Variants in AKAP13 observed in about 807,000 individuals in gnomAD.
AKAP13 encodes A-kinase anchor protein 13.
A neutral mutation model predicts 264.5 loss-of-function variants in AKAP13; 80 were observed. That is an observed-to-expected ratio of 0.30 (90% CI 0.25 to 0.36). The LOEUF is 0.36. AKAP13 is among the 10% of genes least tolerant of loss of function. The pLI is 1.00. For missense variants in AKAP13, 3,712 were observed against 3,435.2 expected, an observed-to-expected ratio of 1.08 and a Z score of -2.01; for synonymous variants, 1,380 against 1,250.2, an observed-to-expected ratio of 1.10 and a Z score of -2.19.
In AKAP13 at chr15:85,693,100, C is replaced by T. The variant is rs141190028; in HGVS notation, c.5290-177C>T. The T allele has an allele frequency of 1.1e-4, 118 of 1,110,112 alleles. 1 individual carries two copies. In the East Asian group the frequency reaches 2.7e-3, roughly 26 times the overall value. 68.8% of individuals were successfully genotyped at this position (1,110,112 alleles called of 1,614,324 possible). A position where few individuals can be genotyped will look rare whatever the true frequency, so the allele number is the denominator to read the frequency against. ...CGTGTGAATTTTCTAATGTAGCTTG[C>T]GTGCCAACGCCTTAATTTAAAAAAA... On this transcript the variant is annotated intron_variant, in intron 16 of 36. Coordinates refer to ENST00000394518, the MANE Select transcript of AKAP13 (RefSeq NM_007200.5).
chr15:85,644,693 C>CAAAAAAAAAAA (rs1161365911), intron 9 of AKAP13, among the ~76,000 whole-genome samples: 59 of 103,798 alleles, frequency 5.7e-4, no homozygotes, highest in Admixed American at 7.7e-4. Flanking sequence ...ACTAAAAATA[C>CAAAAAAAAAAA]AAAAAAAAAA....
intron 1 of AKAP13, among the ~76,000 whole-genome samples, chr15:85,402,025 T>A (rs2071444174): frequency 6.6e-6 from 1 of 152,190 alleles, no homozygotes; most frequent in Non-Finnish European, 1.5e-5. Context: ...TTGGTTTAGT[T>A]TGCTGCCAAC....
intron 2 of AKAP13, among the ~76,000 whole-genome samples, chr15:85,511,649 G>C (rs1414516951): frequency 6.6e-6 from 1 of 151,956 alleles, no homozygotes; most frequent in Non-Finnish European, 1.5e-5. Context: ...GTTAATTTGA[G>C]AGACAAGGTC....
intron 5 of AKAP13, among the ~76,000 whole-genome samples, chr15:85,553,988 A>C (rs2078053747): frequency 1.3e-5 from 2 of 152,186 alleles, no homozygotes; most frequent in Admixed American, 1.3e-4. Flanking sequence ...GCCTTCCGTG[A>C]AACTGGTCCT....
chr15:85,546,779 T>C (rs2077762634), intron 5 of AKAP13, among the ~76,000 whole-genome samples: 1 of 151,852 alleles, frequency 6.6e-6, no homozygotes, highest in Non-Finnish European at 1.5e-5. Context: ...AGTCTTGCTC[T>C]GTAGCCCAGG....
In AKAP13 at chr15:85,580,097, G is replaced by C; in HGVS notation, c.2029G>C (p.Asp677His). ...CQQNTVTSSG[D>H]LVAKLCDNIV... is the part of the protein sequence containing the mutation. Reference sequence around the variant, plus strand: ...ACAGAACACAGTGACTTCTAGTGGCGATTTGGTTGCAAAACTGTGTGATAA... The same window carrying C: ...ACAGAACACAGTGACTTCTAGTGGCCATTTGGTTGCAAAACTGTGTGATAA... Residue 677 changes from aspartate to histidine, a missense_variant, in exon 7 of 37, where the codon GAT becomes CAT. By Grantham distance (81) the Asp-to-His change is moderately conservative (BLOSUM62 -1). Transcript: ENST00000394518. 6.2e-7 allele frequency: 1 copy of C among 1,614,158 alleles called. No homozygotes were observed. The highest frequency in any genetic ancestry group is 2.2e-5 in the East Asian group (1 of 44,876).
chr15:85,496,203 C>T (rs990844196), intron 2 of AKAP13, among the ~76,000 whole-genome samples: 1 of 152,062 alleles, frequency 6.6e-6, no homozygotes, highest in Non-Finnish European at 1.5e-5. Context: ...CCTTTTTTCC[C>T]TCAAAAGCCC....
intron 3 of AKAP13, among the ~76,000 whole-genome samples, chr15:85,522,067 T>TA (rs2076842287): frequency 6.6e-6 from 1 of 152,202 alleles, no homozygotes; most frequent in Admixed American, 6.5e-5. Context: ...ATGTATATCA[T>TA]ATCAGAAAGG....
At chr15:85,620,196 A>C in intron 8 of AKAP13, 1 of 1,534,280 alleles carries the variant, frequency 6.5e-7, no homozygotes, top group Non-Finnish European at 8.7e-7. Context: ...CACCTCATGC[A>C]TTCTGAAGCT....
At chr15:85,662,336 G>A (rs2083392720) in intron 12 of AKAP13, 1 of 1,593,132 alleles carries the variant, frequency 6.3e-7, no homozygotes, top group South Asian at 1.1e-5. Flanking sequence ...CCCCATTCCT[G>A]TTTCCTCTTT....
intron 1 of AKAP13, among the ~76,000 whole-genome samples, chr15:85,437,326 C>G (rs1288261563): frequency 6.6e-6 from 1 of 152,130 alleles, no homozygotes; most frequent in Non-Finnish European, 1.5e-5. Flanking sequence ...TGGCAATAAT[C>G]AATAGTTTAC....
At chr15:85,699,967 G>A (rs775156618) in intron 17 of AKAP13, among the ~76,000 whole-genome samples, 7 of 152,150 alleles carry the variant, frequency 4.6e-5, no homozygotes, top group Non-Finnish European at 7.4e-5. Flanking sequence ...TTTAAGAACC[G>A]TTGGCTTATG....
chr15:85,444,207 A>G (rs2073819533), intron 1 of AKAP13, among the ~76,000 whole-genome samples: 1 of 152,180 alleles, frequency 6.6e-6, no homozygotes, highest in African/African-American at 2.4e-5. Context: ...TACTTGTTAT[A>G]TGAATTATAT....
chr15:85,408,416 C>T (rs565823367), intron 1 of AKAP13, among the ~76,000 whole-genome samples: 1 of 151,808 alleles, frequency 6.6e-6, no homozygotes, highest in Admixed American at 6.5e-5. Context: ...CACCACTGTC[C>T]ATTTCCATGA....
intron 33 of AKAP13, among the ~76,000 whole-genome samples, chr15:85,738,763 G>A (rs906300491): frequency 5.3e-5 from 8 of 150,780 alleles, no homozygotes; most frequent in Middle Eastern, 3.5e-3. Context: ...GCGTGAACCC[G>A]GGAGGCGGAG....
chr15:85,459,189 C>T (rs1296317492), intron 1 of AKAP13, among the ~76,000 whole-genome samples: 2 of 152,010 alleles, frequency 1.3e-5, no homozygotes, highest in Non-Finnish European at 2.9e-5. Flanking sequence ...TTACTACTTG[C>T]TCATCTACTT....
rs143795835 is a variant in AKAP13, at chr15:85,387,322, C to T, written c.-12+6524C>T. ...CTTTACTCCAGCCTGGGTGATAGAA[C>T]GAGAGTCCGTCTTAAAAAAACAAAA... is the stretch of plus-strand genomic sequence containing the variant. On this transcript the variant is annotated intron_variant, in intron 1 of 36. Transcript: ENST00000394518. Among the ~76,000 whole-genome samples, 753 of 151,988 alleles carry T rather than the reference C, an allele frequency of 5.0e-3. 5 individuals are homozygous for T. The highest frequency in any genetic ancestry group is 0.017 in the African/African-American group (703 of 41,412).
At chr15:85,492,643 A>C (rs2075762588) in intron 2 of AKAP13, among the ~76,000 whole-genome samples, 1 of 152,262 alleles carries the variant, frequency 6.6e-6, no homozygotes, top group Non-Finnish European at 1.5e-5. Context: ...ACATTGATGT[A>C]ATACTCTTAC....
chr15:85,494,649 C>T (rs943649671), intron 2 of AKAP13, among the ~76,000 whole-genome samples: 7 of 152,052 alleles, frequency 4.6e-5, no homozygotes, highest in Non-Finnish European at 1.0e-4. Flanking sequence ...CCCAGTCTTC[C>T]GGAAGAGTGA....
Sources: gnomAD v4.1 joint callset for allele counts (sites outside exome capture counted in the v4.1 genomes callset) on GRCh38, gnomAD v4.1.1 for gene constraint, MANE v1.5 for transcripts, NCBI Gene and HGNC (gene_info 2026-07-23, HGNC 2026-07-21) for gene names.